TENT2: variants seen among roughly 807,000 people sequenced by gnomAD.
The protein encoded by TENT2 is terminal nucleotidyltransferase 2, also known as poly(A) RNA polymerase GLD2.
A neutral mutation model predicts 72.2 loss-of-function variants in TENT2; 44 were observed. That is an observed-to-expected ratio of 0.61 (90% CI 0.48 to 0.78). TENT2 has a LOEUF of 0.78. Ranked by LOEUF, TENT2 falls within the 30% of genes least tolerant of loss-of-function variation. The probability of loss-of-function intolerance (pLI) is 0.00; values close to 1 mark genes in which losing one functional copy is unlikely to be tolerated. For synonymous variants in TENT2, 212 were observed against 192.5 expected (o/e 1.10, Z -0.84); for missense variants, 541 against 569.6 (o/e 0.95, Z 0.51).
chr5:79,666,650 A>G (rs1808314689), intron 11 of TENT2, among the ~76,000 whole-genome samples: 1 of 106,324 alleles, frequency 9.4e-6, no homozygotes, highest in Admixed American at 9.1e-5. Flanking sequence ...TCATATTGCT[A>G]TGAAATTAAT....
chr5:79,658,837 A>T (rs116338845), intron 11 of TENT2, among the ~76,000 whole-genome samples: 3 of 149,004 alleles, frequency 2.0e-5, no homozygotes, highest in Non-Finnish European at 4.4e-5. Flanking sequence ...CCCCATTTTC[A>T]CTTCTGTGTT....
intron 4 of TENT2, among the ~76,000 whole-genome samples, chr5:79,626,011 T>C (rs1208684931): frequency 6.6e-6 from 1 of 152,020 alleles, no homozygotes; most frequent in African/African-American, 2.4e-5. Context: ...GTATTTTTAA[T>C]AGAGACGGGG....
chr5:79,687,901 T>A lies in TENT2; in HGVS notation c.*2628T>A, dbSNP rs896629784. ...GCTACCTGTGATTTTGATTAGTGTTTAACAGATTGCCACAGCTGTGATTGA... is the reference window on the plus strand; with the variant it reads ...GCTACCTGTGATTTTGATTAGTGTTAAACAGATTGCCACAGCTGTGATTGA... On this transcript the variant is annotated 3_prime_UTR_variant, in exon 15 of 15. Transcript: ENST00000453514. Among the ~76,000 whole-genome samples, 41 of 152,366 alleles carry A rather than the reference T, an allele frequency of 2.7e-4. No homozygotes were observed. The highest frequency in any genetic ancestry group is 5.0e-4 in the Non-Finnish European group (34 of 68,030).
intron 8 of TENT2, among the ~76,000 whole-genome samples, chr5:79,645,858 C>T (rs1024678989): frequency 1.3e-5 from 2 of 152,198 alleles, no homozygotes; most frequent in East Asian, 1.9e-4. Context: ...CACACACACA[C>T]ACATTGTTGA....
At chr5:79,684,159 T>C (rs551217119) in intron 14 of TENT2, among the ~76,000 whole-genome samples, 5 of 152,164 alleles carry the variant, frequency 3.3e-5, no homozygotes, top group Admixed American at 6.5e-5. Flanking sequence ...AGTCACCAAG[T>C]AGTGAGACAG....
At chr5:79,633,067 T>A in intron 4 of TENT2, among the ~76,000 whole-genome samples, 1 of 152,202 alleles carries the variant, frequency 6.6e-6, no homozygotes, top group Non-Finnish European at 1.5e-5. Context: ...AGTGGGTTGT[T>A]TTAGGCATGA....
At position 79,685,429 on chromosome 5, in the gene TENT2, T is replaced by C; in HGVS notation, c.*156T>C. ...CATATAAAGATTGCATATTTTATTA[T>C]GACATTTCCTAATAAACCCCTTTGA... is the stretch of plus-strand genomic sequence containing the variant. On this transcript the variant is annotated 3_prime_UTR_variant, in exon 15 of 15. Transcript: ENST00000453514. 2.1e-6 allele frequency: 1 copy of C among 482,292 alleles called. No homozygotes were observed. Among genetic ancestry groups the C allele is most frequent in the East Asian group, 3.6e-5 (1 of 27,612 alleles). The allele number at this position is 482,292 out of a possible 1,614,324, so 29.9% of individuals were successfully genotyped here. A position where few individuals can be genotyped will look rare whatever the true frequency, so the allele number is the denominator to read the frequency against.
intron 10 of TENT2, among the ~76,000 whole-genome samples, chr5:79,650,848 G>T (rs989466425): frequency 6.6e-6 from 1 of 152,000 alleles, no homozygotes; most frequent in Non-Finnish European, 1.5e-5. Context: ...ACTTTTACTA[G>T]TATAGGAGGA....
At chr5:79,665,469 G>A (rs555863748) in intron 11 of TENT2, among the ~76,000 whole-genome samples, 6 of 152,260 alleles carry the variant, frequency 3.9e-5, no homozygotes, top group Admixed American at 3.9e-4. Context: ...TCTGGCAAAA[G>A]GTATTTTTGC....
At chr5:79,674,774 T>G (rs571371445) in intron 12 of TENT2, among the ~76,000 whole-genome samples, 2 of 152,244 alleles carry the variant, frequency 1.3e-5, no homozygotes, top group Admixed American at 1.3e-4. Flanking sequence ...AAAAATGAGA[T>G]TGGGGATGAG....
chr5:79,645,969 G>T (rs976631291), intron 8 of TENT2, among the ~76,000 whole-genome samples: 7 of 152,014 alleles, frequency 4.6e-5, no homozygotes, highest in African/African-American at 1.7e-4. Context: ...TGGTCATTTC[G>T]TGGACATACA....
rs1491278276 is a variant in TENT2, at chr5:79,669,061, T to TAC, written c.1208+34_1208+35insCA. 18 of 1,603,280 alleles carry TAC rather than the reference T, an allele frequency of 1.1e-5. No homozygotes were observed. In the East Asian group the frequency reaches 3.1e-4, roughly 28 times the overall value. On this transcript the variant is annotated intron_variant, in intron 12 of 14. Transcript: ENST00000453514. ...AAACTTTAAATTGTGTTTGTTCACT[T>TAC]ATATGTGTGTGTGTGTGTATGTATG... is the stretch of plus-strand genomic sequence containing the variant.
chr5:79,618,659 T>C (rs1188268406), intron 1 of TENT2, among the ~76,000 whole-genome samples: 1 of 152,178 alleles, frequency 6.6e-6, no homozygotes, highest in Non-Finnish European at 1.5e-5. Context: ...TTTATTTTTC[T>C]TCTGGTGATC....
At chr5:79,669,266 T>C (rs767888600) in intron 12 of TENT2, among the ~76,000 whole-genome samples, 1 of 152,192 alleles carries the variant, frequency 6.6e-6, no homozygotes, top group Non-Finnish European at 1.5e-5. Context: ...CATTTATAGT[T>C]CAGTAGGCCC....
At position 79,688,160 on chromosome 5, in the gene TENT2, G is replaced by A. The variant is rs985479858; in HGVS notation, c.*2887G>A. On this transcript the variant is annotated 3_prime_UTR_variant, in exon 15 of 15. Transcript: ENST00000453514. ...GCATGCATACCAGCTCGTGTAACTG[G>A]TGAATAATCCCCAGCTTACAGTCAT... Among the ~76,000 whole-genome samples the A allele has an allele frequency of 6.6e-6, 1 of 152,136 alleles. No homozygotes were observed. The highest frequency in any genetic ancestry group is 1.5e-5 in the Non-Finnish European group (1 of 68,030).
chr5:79,641,171 T>C lies in TENT2; in HGVS notation c.647T>C (p.Leu216Ser). ...GFGTRSSDGD[L>S]CLVVKEEPCF... ...GGTACCCGGAGCAGTGATGGTGATT[T>C]ATGCCTAGTTGTTAAGGAAGAACCA... Residue 216 changes from leucine to serine, a missense_variant, in exon 6 of 15, where the codon TTA becomes TCA. Leu to Ser is a moderately radical substitution (Grantham distance 145). Coordinates refer to ENST00000453514, the MANE Select transcript of TENT2 (RefSeq NM_001114394.3). The C allele has an allele frequency of 6.3e-7, 1 of 1,578,938 alleles. No individual in the cohort carries two copies. The highest frequency in any genetic ancestry group is 8.5e-7 in the Non-Finnish European group (1 of 1,169,866).
At position 79,685,120 on chromosome 5, in the gene TENT2, A is replaced by G. The variant is rs569925570; in HGVS notation, c.1381-79A>G. On this transcript the variant is annotated intron_variant, in intron 14 of 14. Coordinates refer to ENST00000453514, the MANE Select transcript of TENT2 (RefSeq NM_001114394.3). The stretch of plus-strand genomic sequence containing the variant: ...ATTTATCACCTAGAGAGAACCAACT[A>G]TTAACATTCTTTTAAACTCTCAGTC... The G allele has an allele frequency of 1.9e-4, 209 of 1,111,510 alleles. No individual in the cohort carries two copies. The South Asian group carries it at 2.7e-3, about 14-fold the overall frequency. 68.9% of individuals were successfully genotyped at this position (1,111,510 alleles called of 1,614,324 possible). A position where few individuals can be genotyped will look rare whatever the true frequency, so the allele number is the denominator to read the frequency against.
intron 4 of TENT2, among the ~76,000 whole-genome samples, chr5:79,631,051 A>C (rs148267840): frequency 6.6e-6 from 1 of 152,310 alleles, no homozygotes; most frequent in Non-Finnish European, 1.5e-5. Context: ...ATGATATATT[A>C]GATTACAGTG....
chr5:79,660,065 A>G (rs925216611), intron 11 of TENT2, among the ~76,000 whole-genome samples: 2 of 152,148 alleles, frequency 1.3e-5, no homozygotes, highest in African/African-American at 4.8e-5. Flanking sequence ...CAGTTTTGGA[A>G]TGGAATAAAT....
Sources: allele counts gnomAD v4.1 joint callset (sites outside exome capture counted in the v4.1 genomes callset), GRCh38; gene constraint gnomAD v4.1.1; transcripts MANE v1.5; gene names NCBI Gene and HGNC (gene_info 2026-07-23, HGNC 2026-07-21).